Variants in ADAMTS6 observed in about 807,000 individuals in gnomAD.
ADAMTS6 encodes A disintegrin and metalloproteinase with thrombospondin motifs 6.
In ADAMTS6, 23 loss-of-function variants were observed where a neutral mutation model predicts 144.3. That is an observed-to-expected ratio of 0.16 (90% CI 0.11 to 0.23). The LOEUF (loss-of-function observed/expected upper bound fraction) is 0.23, where lower values mean the gene tolerates loss of function less well. Ranked by LOEUF, ADAMTS6 falls within the 10% of genes least tolerant of loss-of-function variation. The pLI, the probability that ADAMTS6 is intolerant of heterozygous loss-of-function variation, is 1.00. For missense variants in ADAMTS6, 999 were observed against 1,379.6 expected, an observed-to-expected ratio of 0.72 and a Z score of 4.37; for synonymous variants, 444 against 457.5, an observed-to-expected ratio of 0.97 and a Z score of 0.38.
At chr5:65,319,603 C>T (rs1206089426) in intron 9 of ADAMTS6, among the ~76,000 whole-genome samples, 40 of 145,808 alleles carry the variant, frequency 2.7e-4, no homozygotes, top group South Asian at 4.4e-4. Context: ...TGCAGTGAGC[C>T]GAGATTGTGC....
intron 24 of ADAMTS6, among the ~76,000 whole-genome samples, chr5:65,154,468 C>G (rs1752300910): frequency 1.3e-5 from 2 of 152,196 alleles, no homozygotes; most frequent in South Asian, 4.1e-4. Context: ...GGAACAGGAT[C>G]AAGCTTAGGG....
intron 24 of ADAMTS6, among the ~76,000 whole-genome samples, chr5:65,165,901 C>A (rs1369092436): frequency 1.4e-5 from 2 of 141,650 alleles, no homozygotes; most frequent in Non-Finnish European, 3.1e-5. Flanking sequence ...TGGAAAGGAA[C>A]AACCGGTACC....
intron 7 of ADAMTS6, among the ~76,000 whole-genome samples, chr5:65,338,005 C>A (rs1454581069): frequency 6.6e-6 from 1 of 152,196 alleles, no homozygotes; most frequent in African/African-American, 2.4e-5. Context: ...TAAATCCTTA[C>A]CAACCCACAG....
At chr5:65,345,908 TA>T (rs1748275836) in intron 7 of ADAMTS6, among the ~76,000 whole-genome samples, 1 of 151,918 alleles carries the variant, frequency 6.6e-6, no homozygotes, top group Non-Finnish European at 1.5e-5. Flanking sequence ...TTATTATTCC[TA>T]AAGAAAGCAC....
At chr5:65,210,867 G>C in intron 20 of ADAMTS6, 1 of 335,268 alleles carries the variant, frequency 3.0e-6, no homozygotes, top group Non-Finnish European at 5.6e-6. Context: ...CCACAGGAGA[G>C]AATCCAGTCT....
At chr5:65,205,158 C>CG (rs1756001002) in intron 20 of ADAMTS6, among the ~76,000 whole-genome samples, 2 of 150,606 alleles carry the variant, frequency 1.3e-5, no homozygotes, top group African/African-American at 4.9e-5. Context: ...TCCTATGCTC[C>CG]ATTTGGGGCT....
In ADAMTS6 at chr5:65,334,099, A is replaced by G; in HGVS notation, c.1074-14T>C. Reference sequence around the variant, plus strand: ...CAGATATCATATCTATGGAGAAAACAGAGATGAAATTTGTAATCTGATCAG... The same window carrying G: ...CAGATATCATATCTATGGAGAAAACGGAGATGAAATTTGTAATCTGATCAG... On this transcript the variant is annotated splice_polypyrimidine_tract_variant and intron_variant, in intron 7 of 24. Coordinates refer to ENST00000381055, the MANE Select transcript of ADAMTS6 (RefSeq NM_197941.4). 2 of 1,523,464 alleles carry G rather than the reference A, an allele frequency of 1.3e-6. No homozygotes were observed. Among genetic ancestry groups the G allele is most frequent in the East Asian group, 2.6e-5 (1 of 38,688 alleles). The allele number at this position is 1,523,464 out of a possible 1,614,324, so 94.4% of individuals were successfully genotyped here.
chr5:65,170,532 GT>G, intron 24 of ADAMTS6, 84 bp downstream of exon 24: 1 of 1,444,946 alleles, frequency 6.9e-7, no homozygotes, highest in South Asian at 1.3e-5. Context: ...CACTACAGTA[GT>G]GGGTTTACTG....
intron 18 of ADAMTS6, among the ~76,000 whole-genome samples, chr5:65,218,886 A>G (rs1312266415): frequency 1.3e-5 from 2 of 152,220 alleles, no homozygotes; most frequent in Non-Finnish European, 2.9e-5. Flanking sequence ...GTCTTACATT[A>G]TACATAAAAT....
chr5:65,277,747 A>C (rs780218131), intron 11 of ADAMTS6, among the ~76,000 whole-genome samples: 2 of 152,154 alleles, frequency 1.3e-5, no homozygotes, highest in Non-Finnish European at 2.9e-5. Flanking sequence ...TGAAATCTCT[A>C]TCCTTGTCTG....
chr5:65,466,548 C>G (rs1304641536), intron 3 of ADAMTS6, among the ~76,000 whole-genome samples: 1 of 152,116 alleles, frequency 6.6e-6, no homozygotes, highest in Non-Finnish European at 1.5e-5. Context: ...CTACTGTAAT[C>G]CTAGCACCTA....
In ADAMTS6 at chr5:65,197,102, A is replaced by G. The variant is rs1368034272; in HGVS notation, c.2625T>C (p.Ile875=). Residue 875 remains isoleucine (I), a synonymous_variant, in exon 21 of 25, where the codon ATT becomes ATC. Transcript: ENST00000381055. ...CAGGATCACAGTAATTGTTCTGGAC[A>G]ATGGAGTTGTCATCCAACCTTTTAC... ...VVCKRLDDNS[I]VQNNYCDPDS... The G allele has an allele frequency of 7.4e-6, 12 of 1,613,962 alleles. No individual in the cohort carries two copies. The highest frequency in any genetic ancestry group is 1.0e-5 in the Non-Finnish European group (12 of 1,179,872).
chr5:65,170,043 C>G (rs958111151), intron 24 of ADAMTS6, among the ~76,000 whole-genome samples: 4 of 151,958 alleles, frequency 2.6e-5, no homozygotes, highest in East Asian at 1.9e-4. Context: ...TAATTAAAAA[C>G]AAAAACAAAA....
intron 9 of ADAMTS6, among the ~76,000 whole-genome samples, chr5:65,321,386 G>A (rs767912376): frequency 1.3e-5 from 2 of 151,696 alleles, no homozygotes; most frequent in Non-Finnish European, 1.5e-5. Flanking sequence ...TTTTTAATGG[G>A]GATTTTTTTT....
At chr5:65,226,326 C>A in intron 15 of ADAMTS6, 107 bp from the exon 16 acceptor site, 1 of 1,133,970 alleles carries the variant, frequency 8.8e-7, no homozygotes, top group South Asian at 2.4e-5. Context: ...TCATTCCCTG[C>A]TTATATGCCT....
At position 65,375,430 on chromosome 5, in the gene ADAMTS6, C is replaced by T. The variant is rs1348407105; in HGVS notation, c.1074-41345G>A. ...AATTTACAAGAAAAAAACAAACAACCCCATCAAAAAGTGGGCGAAGGACAT... is the reference window on the plus strand; with the variant it reads ...AATTTACAAGAAAAAAACAAACAACTCCATCAAAAAGTGGGCGAAGGACAT... On this transcript the variant is annotated intron_variant, in intron 7 of 24. Transcript: ENST00000381055. 2.0e-5 allele frequency among the ~76,000 whole-genome samples: 3 copies of T among 151,600 alleles called. 1 individual carries two copies. The highest frequency in any genetic ancestry group is 2.0e-4 in the Admixed American group (3 of 15,226).
rs78306713 is a variant in ADAMTS6 at position 65,246,551 on chromosome 5, T to C, written c.1831-4345A>G. 3.2e-3 allele frequency among the ~76,000 whole-genome samples: 486 copies of C among 152,194 alleles called. 14 individuals are homozygous for C. The East Asian group carries it at 0.077, about 24-fold the overall frequency. On this transcript the variant is annotated intron_variant, in intron 14 of 24. Coordinates refer to ENST00000381055, the MANE Select transcript of ADAMTS6 (RefSeq NM_197941.4). ...GGGAGGGAAGTTTTTTTAAACAGTA[T>C]GATCAAAGAAATCCTCTCTGATAAG...
At position 65,471,007 on chromosome 5, in the gene ADAMTS6, G is replaced by T. The variant is rs1760392904; in HGVS notation, c.233C>A (p.Pro78Gln). 9.3e-6 allele frequency: 15 copies of T among 1,612,674 alleles called. No individual in the cohort carries two copies. The highest frequency in any genetic ancestry group is 1.3e-5 in the Non-Finnish European group (15 of 1,179,524). Residue 78 changes from proline (P) to glutamine (Q), a missense_variant, in exon 3 of 25, where the codon CCA becomes CAA. Physicochemically the swap from Pro to Gln is moderately conservative, Grantham distance 76. This residue lies in a region of ADAMTS6 where 252 missense variants were observed against 293.7 expected (regional missense o/e 0.86). Coordinates refer to ENST00000381055, the MANE Select transcript of ADAMTS6 (RefSeq NM_197941.4). ...AAATAACTTAGATACTGCCTGCTGTGGATCAATAGGGTCCATACTCCGTCT... is the reference window on the plus strand; with the variant it reads ...AAATAACTTAGATACTGCCTGCTGTTGATCAATAGGGTCCATACTCCGTCT... Reference protein sequence around the residue: ...RRRRSMDPIDPQQAVSKLFFK... With the variant: ...RRRRSMDPIDQQQAVSKLFFK...
At chr5:65,425,198 T>C (rs1222937692) in intron 7 of ADAMTS6, among the ~76,000 whole-genome samples, 1 of 152,228 alleles carries the variant, frequency 6.6e-6, no homozygotes, top group East Asian at 1.9e-4. Context: ...AAATTTCGTA[T>C]TTTCGTGTAT....
Sources: gnomAD v4.1 joint callset for allele counts (sites outside exome capture counted in the v4.1 genomes callset) on GRCh38, gnomAD v4.1.1 for gene constraint, gnomAD v4.1.1 regional missense constraint, MANE v1.5 for transcripts, NCBI Gene and HGNC (gene_info 2026-07-23, HGNC 2026-07-21) for gene names.